Variants in UHRF1 observed in about 807,000 individuals in gnomAD.
The protein encoded by UHRF1 is E3 ubiquitin-protein ligase UHRF1.
UHRF1 carries 9 observed loss-of-function variants against 96.5 expected under a neutral mutation model. The observed-to-expected ratio is 0.09, with a 90% CI of 0.06 to 0.16. UHRF1 has a LOEUF of 0.16. Among genes scored for constraint, UHRF1 ranks in the 10% least tolerant of loss-of-function variants. UHRF1 has a pLI of 1.00. For synonymous variants in UHRF1, 455 were observed against 469.9 expected (o/e 0.97, Z 0.41); for missense variants, 626 against 1,131.1 (o/e 0.55, Z 6.40).
At chr19:4,916,266 A>G (rs1471414385) in intron 2 of UHRF1, among the ~76,000 whole-genome samples, 1 of 151,680 alleles carries the variant, frequency 6.6e-6, no homozygotes, top group East Asian at 1.9e-4. Context: ...AGATTGTACC[A>G]CTGCATTCCA....
Position 4,941,947 on chromosome 19 carries a change from C to T in UHRF1, c.1073+16C>T, listed in dbSNP as rs748231580. The T allele has an allele frequency of 5.4e-5, 79 of 1,472,346 alleles. No homozygotes were observed. In the Middle Eastern group the frequency reaches 4.5e-3, roughly 84 times the overall value. The allele number at this position is 1,472,346 out of a possible 1,614,324, so 91.2% of individuals were successfully genotyped here. ...AGGACGAGTGGTGAGTGCGGCCCTG[C>T]CCGCCGCGGGGAGACCAGAGCGCCC... On this transcript the variant is annotated intron_variant, in intron 7 of 16. Coordinates refer to ENST00000650932, the MANE Select transcript of UHRF1 (RefSeq NM_001048201.3).
At chr19:4,914,087 A>G (rs893756872) in intron 2 of UHRF1, among the ~76,000 whole-genome samples, 6 of 151,814 alleles carry the variant, frequency 4.0e-5, no homozygotes, top group Non-Finnish European at 5.9e-5. Context: ...TGGCCTCCCA[A>G]AGTGCTGGGA....
Position 4,930,388 on chromosome 19 carries a change from G to A in UHRF1, c.409-328G>A, listed in dbSNP as rs746807328. 6.6e-6 allele frequency among the ~76,000 whole-genome samples: 1 copy of A among 152,182 alleles called. No individual in the cohort carries two copies. The highest frequency in any genetic ancestry group is 1.5e-5 in the Non-Finnish European group (1 of 68,044). ...CTCCCAAAGTGCTGGTATTCCAGGC[G>A]TGAGCCACGACGCCCTGCCTGGATT... On this transcript the variant is annotated intron_variant, in intron 3 of 16. Coordinates refer to ENST00000650932, the MANE Select transcript of UHRF1 (RefSeq NM_001048201.3). The surrounding 1 kb of genome is among the most constrained non-coding windows in gnomAD (Gnocchi z 4.4).
At chr19:4,907,009 G>A (rs1460275891), upstream of UHRF1, among the ~76,000 whole-genome samples, 1 of 152,192 alleles carries the variant, frequency 6.6e-6, no homozygotes, top group Non-Finnish European at 1.5e-5. Context: ...GTGTACTGAG[G>A]TTGCAAACAG....
rs61741143 is a variant in UHRF1 at position 4,930,717 on chromosome 19, T to C, written c.410T>C (p.Val137Ala). The C allele has an allele frequency of 1.3e-3, 2,160 of 1,613,516 alleles. 25 individuals carry two copies. The African/African-American group carries it at 0.026, about 19-fold the overall frequency. The change falls in exon 4 of 17, where the codon GTC (valine) becomes GCC (alanine). Residue 137 changes from valine (V) to alanine (A), a missense_variant and splice_region_variant. Physicochemically the swap from Val to Ala is moderately conservative, Grantham distance 64 (BLOSUM62 0). Transcript: ENST00000650932. This position sits in a 1 kb window ranked among gnomAD's most constrained non-coding sequence, Gnocchi z 4.4. The stretch of plus-strand genomic sequence containing the variant: ...CCAGACTTCCCTCATTCCTCACAGG[T>C]CAATGAGTACGTCGATGCTCGGGAC... ...WDETELGLYK[V>A]NEYVDARDTN... is the part of the protein sequence containing the mutation.
chr19:4,908,740 AT>A (rs2032130628), upstream of UHRF1, among the ~76,000 whole-genome samples: 1 of 152,072 alleles, frequency 6.6e-6, no homozygotes, highest in African/African-American at 2.4e-5. Context: ...TTAGTTATTC[AT>A]TTCTTGCCTG....
chr19:4,951,972 G>A (rs975382724), intron 13 of UHRF1, among the ~76,000 whole-genome samples: 14 of 152,176 alleles, frequency 9.2e-5, no homozygotes, highest in Non-Finnish European at 1.9e-4. Flanking sequence ...CTCTACCCGA[G>A]GGGGTCACTC....
intron 2 of UHRF1, among the ~76,000 whole-genome samples, chr19:4,922,225 G>A (rs973343739): frequency 2.6e-5 from 4 of 152,034 alleles, no homozygotes; most frequent in Non-Finnish European, 4.4e-5. Context: ...GGGATTACAG[G>A]TGTGAGCCAC....
chr19:4,953,534 G>C (rs977918596), intron 13 of UHRF1, among the ~76,000 whole-genome samples: 23 of 151,998 alleles, frequency 1.5e-4, no homozygotes, highest in African/African-American at 5.3e-4. Flanking sequence ...TGTGATCATA[G>C]CTCACTACAG....
intron 1 of UHRF1, chr19:4,903,678 T>C (rs551499574): frequency 6.6e-5 from 10 of 152,108 alleles, no homozygotes; most frequent in African/African-American, 2.4e-4. Flanking sequence ...AATTTTTGTA[T>C]TTTTAGTAGA....
chr19:4,922,621 TG>T (rs1599252696), intron 2 of UHRF1, among the ~76,000 whole-genome samples: 2 of 152,312 alleles, frequency 1.3e-5, no homozygotes, highest in East Asian at 3.9e-4. Context: ...CTCTCACCTG[TG>T]GGGTCAGAAC....
intron 16 of UHRF1, among the ~76,000 whole-genome samples, chr19:4,957,655 C>G (rs576178367): frequency 6.6e-6 from 1 of 152,268 alleles, no homozygotes; most frequent in Non-Finnish European, 1.5e-5. Context: ...AGGACAGGGT[C>G]TCTTCCCCCC....
intron 2 of UHRF1, among the ~76,000 whole-genome samples, chr19:4,917,346 T>C (rs2032553617): frequency 6.6e-6 from 1 of 152,038 alleles, no homozygotes; most frequent in Non-Finnish European, 1.5e-5. Context: ...TTTCTTTTTT[T>C]TGCCTTTAAG....
chr19:4,925,395 C>T (rs754468905), intron 2 of UHRF1, among the ~76,000 whole-genome samples: 42 of 152,284 alleles, frequency 2.8e-4, no homozygotes, highest in Middle Eastern at 3.4e-3. Context: ...TCATGCACTG[C>T]GTGGCCTTTT....
intron 3 of UHRF1, among the ~76,000 whole-genome samples, chr19:4,929,769 T>C (rs2032990724): frequency 1.3e-5 from 2 of 152,232 alleles, no homozygotes; most frequent in South Asian, 2.1e-4. Flanking sequence ...GATCAGGAAA[T>C]GTCACAGAAA....
At chr19:4,946,190 C>G (rs373892823) in intron 10 of UHRF1, among the ~76,000 whole-genome samples, 7 of 152,080 alleles carry the variant, frequency 4.6e-5, no homozygotes, top group Non-Finnish European at 1.0e-4. Flanking sequence ...CTCCCCACCC[C>G]CTCCCAGTCC....
At chr19:4,938,097 T>G (rs983126952) in intron 5 of UHRF1, among the ~76,000 whole-genome samples, 2 of 151,240 alleles carry the variant, frequency 1.3e-5, no homozygotes, top group East Asian at 3.9e-4. Flanking sequence ...GAGGTTGCAG[T>G]GAGCTATGAT....
rs2033792472 is a variant in UHRF1, at chr19:4,954,274, G to C, written c.1819-76G>C. The stretch of plus-strand genomic sequence containing the variant: ...GTGTCTGGAAACCCAGACCTGGCAA[G>C]GAGGCTGGAAGAGCGGGCTCTGCAT... On this transcript the variant is annotated intron_variant, in intron 13 of 16. Coordinates refer to ENST00000650932, the MANE Select transcript of UHRF1 (RefSeq NM_001048201.3). The surrounding 1 kb of genome is among the most constrained non-coding windows in gnomAD (Gnocchi z 5.9). The C allele has an allele frequency of 1.3e-6, 2 of 1,559,890 alleles. No homozygotes were observed. Among genetic ancestry groups the C allele is most frequent in the Non-Finnish European group, 1.7e-6 (2 of 1,151,596 alleles).
chr19:4,949,134 A>T (rs1226521057), intron 11 of UHRF1, among the ~76,000 whole-genome samples: 2 of 145,686 alleles, frequency 1.4e-5, no homozygotes, highest in African/African-American at 5.0e-5. Flanking sequence ...AAAAAAAAAA[A>T]GAGAATATGG....
Sources: allele counts gnomAD v4.1 joint callset (sites outside exome capture counted in the v4.1 genomes callset), GRCh38; gene constraint gnomAD v4.1.1; non-coding constraint Gnocchi (gnomAD v3.1); transcripts MANE v1.5; gene names NCBI Gene and HGNC (gene_info 2026-07-23, HGNC 2026-07-21).